ELOVL5: variants seen among roughly 807,000 people sequenced by gnomAD.
ELOVL5 encodes the protein ELOVL fatty acid elongase 5.
A neutral mutation model predicts 38.6 loss-of-function variants in ELOVL5; 8 were observed. That is an observed-to-expected ratio of 0.21 (90% CI 0.12 to 0.37). The LOEUF (loss-of-function observed/expected upper bound fraction) is 0.37, where lower values mean the gene tolerates loss of function less well. Among genes scored for constraint, ELOVL5 ranks in the 10% least tolerant of loss-of-function variants. The pLI is 1.00. For missense variants in ELOVL5, 280 were observed against 367.8 expected, an observed-to-expected ratio of 0.76 and a Z score of 1.95; for synonymous variants, 127 against 133.7, an observed-to-expected ratio of 0.95 and a Z score of 0.34.
chr6:53,305,486 G>A (rs1180549612), intron 1 of ELOVL5, among the ~76,000 whole-genome samples: 5 of 150,758 alleles, frequency 3.3e-5, no homozygotes, highest in Non-Finnish European at 7.4e-5. Flanking sequence ...TTCTCAGACG[G>A]GGCAGTTGCC....
chr6:53,286,730 C>T (rs542776157), intron 3 of ELOVL5, among the ~76,000 whole-genome samples: 13 of 152,090 alleles, frequency 8.5e-5, no homozygotes, highest in East Asian at 1.9e-4. Flanking sequence ...TACATCTATA[C>T]GACTCAAGAT....
Position 53,293,679 on chromosome 6 carries a change from C to T in ELOVL5, c.59-1716G>A, listed in dbSNP as rs144197924. ...TTGCTACTCTCTCCAGTCGTTTTCA[C>T]CTTGATTTCACAGAACAAGAACAGG... On this transcript the variant is annotated intron_variant, in intron 2 of 7. Coordinates refer to ENST00000304434, the MANE Select transcript of ELOVL5 (RefSeq NM_021814.5). Among the ~76,000 whole-genome samples, 416 of 152,298 alleles carry T rather than the reference C, an allele frequency of 2.7e-3. 4 individuals carry two copies. Among genetic ancestry groups the T allele is most frequent in the African/African-American group, 9.5e-3 (394 of 41,556 alleles).
intron 1 of ELOVL5, among the ~76,000 whole-genome samples, chr6:53,300,328 C>A (rs1254751509): frequency 6.6e-6 from 1 of 152,132 alleles, no homozygotes; most frequent in Non-Finnish European, 1.5e-5. Context: ...TTCATTCATA[C>A]CACACACCGA....
rs930059445 is a variant in ELOVL5, at chr6:53,273,276, C to G, written c.565G>C (p.Val189Leu). The change falls in exon 6 of 8, where the codon GTC becomes CTC. Residue 189 changes from valine (V) to leucine (L), a missense_variant. Around this residue, in one of 3 missense-constraint regions of ELOVL5, gnomAD observed 125 missense variants for 158.9 expected, o/e 0.79. Transcript: ENST00000304434. ...LMYSYYGLSS[V>L]PSMRPYLWWK... ...CAGAGGTATGGACGCATGGAAGGGA[C>G]TGACGACAAACCATAGTAAGAGTAC... The G allele has an allele frequency of 3.1e-6, 5 of 1,613,814 alleles. No individual in the cohort carries two copies. The highest frequency in any genetic ancestry group is 4.2e-6 in the Non-Finnish European group (5 of 1,179,836).
chr6:53,308,346 A>G (rs1032810239), intron 1 of ELOVL5, among the ~76,000 whole-genome samples: 4 of 152,276 alleles, frequency 2.6e-5, no homozygotes, highest in African/African-American at 9.6e-5. Context: ...TCCACATCCT[A>G]TTAGGCTCTA....
intron 1 of ELOVL5, 33 bp from the exon 2 acceptor site, chr6:53,295,740 C>T: frequency 7.5e-7 from 1 of 1,328,830 alleles, no homozygotes. Flanking sequence ...TGATTAATCT[C>T]TACTCAAAAT....
intron 1 of ELOVL5, among the ~76,000 whole-genome samples, chr6:53,296,761 C>T (rs1321115946): frequency 6.6e-6 from 1 of 152,142 alleles, no homozygotes. Flanking sequence ...CATATGCATA[C>T]TGACTAGATT....
At chr6:53,348,197 C>G (rs1232815969) in intron 1 of ELOVL5, among the ~76,000 whole-genome samples, 2 of 152,164 alleles carry the variant, frequency 1.3e-5, no homozygotes, top group Non-Finnish European at 2.9e-5. Context: ...AAAACTGAAG[C>G]GGTCCCGAGC....
intron 1 of ELOVL5, among the ~76,000 whole-genome samples, chr6:53,322,868 G>T (rs1581978539): frequency 1.3e-5 from 2 of 152,206 alleles, no homozygotes; most frequent in East Asian, 3.9e-4. Context: ...GAGTTAAGAG[G>T]ATTTCATTAT....
intron 3 of ELOVL5, among the ~76,000 whole-genome samples, chr6:53,289,608 T>C (rs1766697553): frequency 6.6e-6 from 1 of 152,120 alleles, no homozygotes; most frequent in South Asian, 2.1e-4. Flanking sequence ...TAGTTCCAGC[T>C]ACTAGGGAGG....
intron 1 of ELOVL5, among the ~76,000 whole-genome samples, chr6:53,317,486 C>G (rs1202653531): frequency 6.6e-6 from 1 of 152,174 alleles, no homozygotes; most frequent in African/African-American, 2.4e-5. Flanking sequence ...AGTCCATGTC[C>G]TTTGTAGGGA....
At chr6:53,293,163 A>C (rs539152190) in intron 2 of ELOVL5, among the ~76,000 whole-genome samples, 19 of 152,152 alleles carry the variant, frequency 1.2e-4, no homozygotes. Flanking sequence ...CCCTGCTATG[A>C]TGTTCCCCGA....
chr6:53,292,774 G>C (rs925463380), intron 2 of ELOVL5, among the ~76,000 whole-genome samples: 3 of 152,232 alleles, frequency 2.0e-5, no homozygotes, highest in African/African-American at 4.8e-5. Flanking sequence ...GTGGGCAACA[G>C]AGTGAGACTC....
chr6:53,268,157 A>G lies in ELOVL5; in HGVS notation c.*970T>C, dbSNP rs1359470075. On this transcript the variant is annotated 3_prime_UTR_variant, in exon 8 of 8. Coordinates refer to ENST00000304434, the MANE Select transcript of ELOVL5 (RefSeq NM_021814.5). ...TCTGTGTCAAAACAGATAACAGTGC[A>G]TAAATCAATCCAAATTTAGACCCTG... The G allele has an allele frequency of 1.3e-5, 2 of 152,156 alleles. No individual in the cohort carries two copies. Among genetic ancestry groups the G allele is most frequent in the African/African-American group, 4.8e-5 (2 of 41,440 alleles). 9.4% of individuals were successfully genotyped at this position (152,156 alleles called of 1,614,324 possible).
intron 1 of ELOVL5, among the ~76,000 whole-genome samples, chr6:53,326,785 G>A (rs1164051675): frequency 1.3e-5 from 2 of 152,140 alleles, no homozygotes; most frequent in African/African-American, 2.4e-5. Flanking sequence ...CAGCAAGTAC[G>A]GTGACTCAGC....
chr6:53,295,774 TAA>T, intron 1 of ELOVL5, 67 bp from the exon 2 acceptor site: 2 of 980,846 alleles, frequency 2.0e-6, no homozygotes, highest in Non-Finnish European at 3.0e-6. Context: ...TATTTTTTCA[TAA>T]AAGAATAAAT....
In ELOVL5 at chr6:53,275,219, CTA is replaced by C. The variant is rs1359296309; in HGVS notation, c.365_366del (p.Ile122ArgfsTer51). ...VLWWYYFSKL[I>X]EFMDTFFFIL... Reference sequence around the variant, plus strand: ...ATGAAGAAGAAAGTGTCCATAAATTCTATGAGTTTGGAGAAGTAGTACCACCA... The same window carrying C: ...ATGAAGAAGAAAGTGTCCATAAATTCTGAGTTTGGAGAAGTAGTACCACCA... On this transcript the variant is annotated frameshift_variant, in exon 5 of 8. Coordinates refer to ENST00000304434, the MANE Select transcript of ELOVL5 (RefSeq NM_021814.5). LOFTEE classifies it high-confidence loss of function. 1.2e-6 allele frequency: 2 copies of C among 1,614,048 alleles called. No homozygotes were observed. Among genetic ancestry groups the C allele is most frequent in the Non-Finnish European group, 1.7e-6 (2 of 1,180,034 alleles).
At chr6:53,322,217 A>T (rs1266869478) in intron 1 of ELOVL5, among the ~76,000 whole-genome samples, 2 of 152,256 alleles carry the variant, frequency 1.3e-5, no homozygotes, top group Admixed American at 6.5e-5. Context: ...CCCGTAAACA[A>T]GGGAAAATTC....
intron 3 of ELOVL5, chr6:53,288,073 A>G (rs1766640811): frequency 1.3e-6 from 1 of 777,226 alleles, no homozygotes; most frequent in Non-Finnish European, 2.2e-6. Flanking sequence ...ACCACCTGTA[A>G]CACTCTAACA....
Sources: gnomAD v4.1 joint callset for allele counts (sites outside exome capture counted in the v4.1 genomes callset) on GRCh38, gnomAD v4.1.1 for gene constraint, gnomAD v4.1.1 regional missense constraint, MANE v1.5 for transcripts, NCBI Gene and HGNC (gene_info 2026-07-23, HGNC 2026-07-21) for gene names.